Variants in ARHGAP6 observed in about 807,000 individuals in gnomAD.
ARHGAP6 encodes rho GTPase-activating protein 6.
In ARHGAP6, 16 loss-of-function variants were observed where a neutral mutation model predicts 55.7. The ratio of observed to expected loss-of-function variants is 0.29; its 90% CI spans 0.19 to 0.44. ARHGAP6 has a LOEUF of 0.44. Ranked by LOEUF, ARHGAP6 falls within the 20% of genes least tolerant of loss-of-function variation. The pLI is 1.00. For synonymous variants in ARHGAP6, 382 were observed against 360.9 expected, an observed-to-expected ratio of 1.06 and a Z score of -0.66; for missense variants, 698 against 808.9, an observed-to-expected ratio of 0.86 and a Z score of 1.66.
At chrX:11,426,085 T>G (rs2049876163) in intron 1 of ARHGAP6, among the ~76,000 whole-genome samples, 1 of 112,657 alleles carries the variant, frequency 8.9e-6, no homozygotes, top group Admixed American at 9.4e-5. Context: ...AGTATCTCAT[T>G]TGGTGTTTCA....
At chrX:11,395,784 A>T (rs1232319932) in intron 1 of ARHGAP6, among the ~76,000 whole-genome samples, 1 of 112,122 alleles carries the variant, frequency 8.9e-6, no homozygotes, top group African/African-American at 3.2e-5. Context: ...TAATGGCAAA[A>T]TCATCTTGGA....
chrX:11,545,159 C>T (rs1415575292), intron 1 of ARHGAP6, among the ~76,000 whole-genome samples: 2 of 111,614 alleles, frequency 1.8e-5, no homozygotes, highest in African/African-American at 6.5e-5. Context: ...CTACATGGTA[C>T]AAGAAGTGAT....
intron 1 of ARHGAP6, among the ~76,000 whole-genome samples, chrX:11,584,966 G>T (rs898968612): frequency 4.5e-5 from 5 of 111,864 alleles, no homozygotes; most frequent in Non-Finnish European, 9.4e-5. Context: ...AGTGCCTGTT[G>T]TTCCCCTCTA....
intron 1 of ARHGAP6, among the ~76,000 whole-genome samples, chrX:11,273,208 G>A (rs1232330238): frequency 9.1e-6 from 1 of 110,399 alleles, no homozygotes; most frequent in African/African-American, 3.3e-5. Flanking sequence ...CATGTTCCAA[G>A]TATTTGATAA....
intron 2 of ARHGAP6, among the ~76,000 whole-genome samples, chrX:11,250,338 T>C (rs2047406907): frequency 8.9e-6 from 1 of 112,417 alleles, no homozygotes; most frequent in South Asian, 3.7e-4. Context: ...TAATTTCCTT[T>C]CTTATCCAGT....
At chrX:11,160,052 C>T (rs1184348242) in intron 9 of ARHGAP6, among the ~76,000 whole-genome samples, 2 of 110,324 alleles carry the variant, frequency 1.8e-5, no homozygotes, top group Non-Finnish European at 3.8e-5. Context: ...AATGTATGTC[C>T]CGATCTCTTT....
At chrX:11,660,005 C>G (rs1191087309) in intron 1 of ARHGAP6, among the ~76,000 whole-genome samples, 1 of 111,844 alleles carries the variant, frequency 8.9e-6, no homozygotes, top group East Asian at 2.8e-4. Flanking sequence ...GACAAAGTCA[C>G]CTCCAGGTTA....
intron 1 of ARHGAP6, among the ~76,000 whole-genome samples, chrX:11,320,216 C>T (rs2048414360): frequency 1.8e-5 from 2 of 111,866 alleles, no homozygotes. Context: ...AATAGGAACA[C>T]AGTTCCTCAG....
Position 11,394,960 on chromosome X carries a change from C to T in ARHGAP6, c.589-140253G>A, listed in dbSNP as rs145117831. Among the ~76,000 whole-genome samples the T allele has an allele frequency of 7.1e-4, 80 of 112,095 alleles. No homozygotes were observed. The East Asian group carries it at 0.021, about 30-fold the overall frequency. ...TAATTTTAAAATGATGACAGCAGAA[C>T]ATTAGTCATGTTGTCCTTCTGAGCA... is the stretch of plus-strand genomic sequence containing the variant. On this transcript the variant is annotated intron_variant, in intron 1 of 12. Transcript: ENST00000337414.
chrX:11,485,838 T>C (rs2050505998), intron 1 of ARHGAP6, among the ~76,000 whole-genome samples: 1 of 111,515 alleles, frequency 9.0e-6, no homozygotes, highest in African/African-American at 3.3e-5. Context: ...ACATCGAACA[T>C]TGCTTCCTGA....
chrX:11,233,178 T>C (rs1343675431), intron 2 of ARHGAP6, among the ~76,000 whole-genome samples: 1 of 112,571 alleles, frequency 8.9e-6, no homozygotes, highest in Non-Finnish European at 1.9e-5. Flanking sequence ...TTTCACTAAT[T>C]AACCAGTTAA....
chrX:11,494,326 G>A (rs1354104631), intron 1 of ARHGAP6, among the ~76,000 whole-genome samples: 3 of 112,228 alleles, frequency 2.7e-5, no homozygotes, highest in East Asian at 2.8e-4. Flanking sequence ...CCTTTGGGAC[G>A]TAACTGAGCA....
chrX:11,310,210 T>TAAA lies in ARHGAP6; in HGVS notation c.589-55506_589-55504dup, dbSNP rs34393222. On this transcript the variant is annotated intron_variant, in intron 1 of 12. Transcript: ENST00000337414. Reference sequence around the variant, plus strand: ...CACATCACGCCCACTAGGATAGCTTTAAAAAAAAAAAAAAACTGTTGGTAA... The same window carrying TAAA: ...CACATCACGCCCACTAGGATAGCTTTAAAAAAAAAAAAAAAAAACTGTTGGTAA... Among the ~76,000 whole-genome samples, 264 of 89,113 alleles carry TAAA rather than the reference T, an allele frequency of 3.0e-3. 1 individual carries two copies. Among genetic ancestry groups the TAAA allele is most frequent in the African/African-American group, 0.01 (241 of 23,576 alleles). 77.4% of individuals were successfully genotyped at this position (89,113 alleles called of 115,157 possible). A position where few individuals can be genotyped will look rare whatever the true frequency, so the allele number is the denominator to read the frequency against.
chrX:11,320,801 A>T (rs1284761547), intron 1 of ARHGAP6, among the ~76,000 whole-genome samples: 1 of 108,637 alleles, frequency 9.2e-6, no homozygotes, highest in African/African-American at 3.4e-5. Context: ...ACACACACAC[A>T]CACACACACA....
In ARHGAP6 at chrX:11,590,873, A is replaced by AAGAAAAGAAAGAAG. The variant is rs1569411008; in HGVS notation, c.588+73367_588+73368insCTTCTTTCTTTTCT. Among the ~76,000 whole-genome samples the AAGAAAAGAAAGAAG allele has an allele frequency of 1.1e-4, 6 of 52,641 alleles. 1 individual carries two copies. The highest frequency in any genetic ancestry group is 2.3e-4 in the Admixed American group (1 of 4,285). 45.7% of individuals were successfully genotyped at this position (52,641 alleles called of 115,157 possible). On this transcript the variant is annotated intron_variant, in intron 1 of 12. Transcript: ENST00000337414. ...AAAGAAAAGAAAAGAAAAGAAGGAA[A>AAGAAAAGAAAGAAG]GAAAGAAAGAAAGAAAGAAAGAAAG...
intron 1 of ARHGAP6, among the ~76,000 whole-genome samples, chrX:11,518,680 T>G (rs1023326216): frequency 9.6e-6 from 1 of 104,048 alleles, no homozygotes; most frequent in Non-Finnish European, 2.0e-5. Context: ...CATGTGCACA[T>G]TGTGCAGGTT....
chrX:11,567,566 A>AAAAAAAAAATAT (rs1440758737), intron 1 of ARHGAP6, among the ~76,000 whole-genome samples: 1 of 84,401 alleles, frequency 1.2e-5, no homozygotes, highest in Non-Finnish European at 2.3e-5. Flanking sequence ...AAAAAAAAAA[A>AAAAAAAAAATAT]ATATATATAT....
intron 1 of ARHGAP6, among the ~76,000 whole-genome samples, chrX:11,626,100 C>A (rs1466566893): frequency 1.8e-5 from 2 of 111,266 alleles, no homozygotes; most frequent in African/African-American, 6.5e-5. Context: ...ACCTGTAAGT[C>A]AGATATGCCA....
rs2051854549 is a variant in ARHGAP6 at position 11,592,909 on chromosome X, G to T, written c.588+71332C>A. 5.4e-5 allele frequency among the ~76,000 whole-genome samples: 6 copies of T among 111,419 alleles called. No individual in the cohort carries two copies. In the South Asian group the frequency reaches 2.3e-3, roughly 42 times the overall value. On this transcript the variant is annotated intron_variant, in intron 1 of 12. Coordinates refer to ENST00000337414, the MANE Select transcript of ARHGAP6 (RefSeq NM_013427.3). ...GCCAGAAGATGACCCTCACTACCTG[G>T]CAGCATTCTATTACAGCATATTTGT...
Sources: gnomAD v4.1 joint callset for allele counts (sites outside exome capture counted in the v4.1 genomes callset) on GRCh38, gnomAD v4.1.1 for gene constraint, MANE v1.5 for transcripts, NCBI Gene and HGNC (gene_info 2026-07-23, HGNC 2026-07-21) for gene names.